MYO16: variants seen among roughly 807,000 people sequenced by gnomAD.
MYO16 encodes unconventional myosin-XVI.
In MYO16, 94 loss-of-function variants were observed where a neutral mutation model predicts 205.3. The ratio of observed to expected loss-of-function variants is 0.46; its 90% CI spans 0.39 to 0.54. The LOEUF (loss-of-function observed/expected upper bound fraction) is 0.54. Among genes scored for constraint, MYO16 ranks in the 20% least tolerant of loss-of-function variants. The probability of loss-of-function intolerance (pLI) is 0.00; values close to 1 mark genes in which losing one functional copy is unlikely to be tolerated. For synonymous variants in MYO16, 988 were observed against 954.0 expected (o/e 1.04, Z -0.66); for missense variants, 2,315 against 2,387.5 (o/e 0.97, Z 0.63).
At chr13:108,886,647 T>G (rs1157400808) in intron 13 of MYO16, among the ~76,000 whole-genome samples, 3 of 152,068 alleles carry the variant, frequency 2.0e-5, no homozygotes, top group African/African-American at 7.2e-5. Context: ...ATTGATTGAT[T>G]TCCCTTGCTG....
At chr13:108,534,899 TCTC>T in the MYO16 span, among the ~76,000 whole-genome samples, 1 of 149,872 alleles carries the variant, frequency 6.7e-6, no homozygotes, top group Non-Finnish European at 1.5e-5. Context: ...TCTTTCTTCT[TCTC>T]CTTCTTCTTC....
Position 109,055,710 on chromosome 13 carries a change from G to A in MYO16, c.3335+115G>A, listed in dbSNP as rs1566484388. ...TGTCTTTTTTGGCACTGCTTTTGTT[G>A]TTTACTTTTTTCTATCTCCAATAAA... is the stretch of plus-strand genomic sequence containing the variant. On this transcript the variant is annotated intron_variant, in intron 27 of 34. Transcript: ENST00000457511. This position sits in a 1 kb window ranked among gnomAD's most constrained non-coding sequence, Gnocchi z 5.0. The A allele has an allele frequency of 1.1e-6, 1 of 900,602 alleles. No homozygotes were observed. The highest frequency in any genetic ancestry group is 1.7e-6 in the Non-Finnish European group (1 of 585,782). The allele number at this position is 900,602 out of a possible 1,614,324, so 55.8% of individuals were successfully genotyped here.
At chr13:108,961,803 C>T (rs770104588) in intron 18 of MYO16, 147 bp downstream of exon 18, 38 of 651,542 alleles carry the variant, frequency 5.8e-5, no homozygotes, top group Non-Finnish European at 8.6e-5. Context: ...AAATTGTCTA[C>T]TTTGTTTTTT....
chr13:108,616,339 G>A (rs986954209), intron 1 of MYO16, among the ~76,000 whole-genome samples: 9 of 152,142 alleles, frequency 5.9e-5, no homozygotes, highest in South Asian at 4.1e-4. Context: ...CTTTCAGAGC[G>A]AAATGCAATG....
Position 108,665,982 on chromosome 13 carries a change from T to C in MYO16, c.125T>C (p.Val42Ala), listed in dbSNP as rs112671299. ...CCCCTTGGCCAACGGCAGCGTCTAG[T>C]GAAGCGCATGCGCTGTGAGCAAATC... ...SLPLGQRQRL[V>A]KRMRCEQIKA... Residue 42 changes from valine (V) to alanine (A), a missense_variant, in exon 2 of 35, where the codon GTG (valine) becomes GCG (alanine). Coordinates refer to ENST00000457511, the MANE Select transcript of MYO16 (RefSeq NM_001198950.3). The C allele has an allele frequency of 1.9e-6, 3 of 1,614,102 alleles. No individual in the cohort carries two copies. The highest frequency in any genetic ancestry group is 2.5e-6 in the Non-Finnish European group (3 of 1,179,982).
chr13:109,068,908 T>C (rs914183339), intron 27 of MYO16, among the ~76,000 whole-genome samples: 2 of 152,132 alleles, frequency 1.3e-5, no homozygotes, highest in African/African-American at 4.8e-5. Context: ...GTAAATTTTG[T>C]ACCCAAAGAA....
intron 23 of MYO16, among the ~76,000 whole-genome samples, chr13:109,022,122 A>AAT (rs577217836): frequency 7.1e-6 from 1 of 141,558 alleles, no homozygotes; most frequent in Non-Finnish European, 1.5e-5. Context: ...TATATATACA[A>AAT]ATATATATAC....
At chr13:108,685,281 A>G (rs80224951) in intron 2 of MYO16, among the ~76,000 whole-genome samples, 12,303 of 152,146 alleles carry the variant, frequency 0.081, 795 homozygotes, top group East Asian at 0.29. Context: ...TCGGCCTCCC[A>G]AAGTGCTGGG....
At chr13:108,783,374 C>A (rs544091363) in intron 4 of MYO16, among the ~76,000 whole-genome samples, 11 of 152,316 alleles carry the variant, frequency 7.2e-5, no homozygotes, top group Admixed American at 4.6e-4. Context: ...TGTATTTACA[C>A]AATGCCTGTA....
At chr13:108,602,783 A>G (rs375915190) in intron 1 of MYO16, among the ~76,000 whole-genome samples, 6 of 152,308 alleles carry the variant, frequency 3.9e-5, no homozygotes, top group South Asian at 2.1e-4. Context: ...ACTACCACCA[A>G]TGGAATCCAT....
intron 16 of MYO16, among the ~76,000 whole-genome samples, chr13:108,916,870 AG>A (rs1313021332): frequency 6.6e-6 from 1 of 152,198 alleles, no homozygotes; most frequent in Non-Finnish European, 1.5e-5. Flanking sequence ...TTTCAAACTA[AG>A]GTACGTTTGG....
intron 16 of MYO16, among the ~76,000 whole-genome samples, chr13:108,913,577 G>A (rs955882442): frequency 2.0e-5 from 3 of 152,178 alleles, no homozygotes; most frequent in Admixed American, 6.5e-5. Context: ...CTGAATTTGC[G>A]AGCTTTCTAA....
At chr13:108,497,041 T>C in the MYO16 span, among the ~76,000 whole-genome samples, 1 of 152,204 alleles carries the variant, frequency 6.6e-6, no homozygotes, top group Non-Finnish European at 1.5e-5. Flanking sequence ...GTTTGTCATG[T>C]GTTCTTGGGA....
At chr13:108,620,684 T>C (rs929686539) in intron 1 of MYO16, among the ~76,000 whole-genome samples, 2 of 152,230 alleles carry the variant, frequency 1.3e-5, no homozygotes, top group Non-Finnish European at 2.9e-5. Flanking sequence ...GACTCACCTT[T>C]TGGTCGATGA....
intron 34 of MYO16, among the ~76,000 whole-genome samples, chr13:109,189,943 C>T (rs1478196503): frequency 1.3e-5 from 2 of 151,868 alleles, no homozygotes; most frequent in Non-Finnish European, 2.9e-5. Flanking sequence ...TCAACTTTCC[C>T]AATTCCTCAG....
intron 9 of MYO16, among the ~76,000 whole-genome samples, chr13:108,832,701 A>G (rs1876688974): frequency 6.6e-6 from 1 of 152,238 alleles, no homozygotes; most frequent in African/African-American, 2.4e-5. Flanking sequence ...ATATTAATGC[A>G]TAGTATTTAA....
At chr13:109,169,362 T>C (rs544351000) in intron 33 of MYO16, among the ~76,000 whole-genome samples, 1 of 136,282 alleles carries the variant, frequency 7.3e-6, no homozygotes, top group East Asian at 2.0e-4. Context: ...TATTGAAATA[T>C]AAAACAAATA....
intron 7 of MYO16, among the ~76,000 whole-genome samples, chr13:108,813,843 A>G (rs1887368333): frequency 6.6e-6 from 1 of 152,172 alleles, no homozygotes; most frequent in Admixed American, 6.6e-5. Flanking sequence ...TTACCTAAAG[A>G]TGTTTTGTGA....
intron 32 of MYO16, among the ~76,000 whole-genome samples, chr13:109,161,379 T>C (rs948206742): frequency 1.3e-5 from 2 of 152,222 alleles, no homozygotes; most frequent in African/African-American, 4.8e-5. Context: ...CTGAGCCCTC[T>C]GGGCCTCAGT....
Sources: gnomAD v4.1 joint callset for allele counts (sites outside exome capture counted in the v4.1 genomes callset) on GRCh38, gnomAD v4.1.1 for gene constraint, Gnocchi (gnomAD v3.1) non-coding constraint, MANE v1.5 for transcripts, NCBI Gene and HGNC (gene_info 2026-07-23, HGNC 2026-07-21) for gene names.